The following NEO1 variants were observed in gnomAD, a reference collection of about 807,000 sequenced individuals.
NEO1 encodes neogenin.
NEO1 carries 63 observed loss-of-function variants against 159.7 expected under a neutral mutation model. The ratio of observed to expected loss-of-function variants is 0.39; its 90% CI spans 0.32 to 0.49. The LOEUF is 0.49. Among genes scored for constraint, NEO1 ranks in the 20% least tolerant of loss-of-function variants. The pLI is 0.85. For missense variants in NEO1, 1,615 were observed against 1,831.0 expected, an observed-to-expected ratio of 0.88 and a Z score of 2.15; for synonymous variants, 633 against 662.0, an observed-to-expected ratio of 0.96 and a Z score of 0.67.
chr15:73,263,207 T>C (rs1051039194), intron 15 of NEO1, among the ~76,000 whole-genome samples: 111 of 150,830 alleles, frequency 7.4e-4, no homozygotes, highest in African/African-American at 2.4e-3. Context: ...TTTTTTTTTT[T>C]TTTTGAGACA....
At chr15:73,082,175 A>G (rs994612544) in intron 1 of NEO1, among the ~76,000 whole-genome samples, 3 of 152,182 alleles carry the variant, frequency 2.0e-5, no homozygotes, top group African/African-American at 7.2e-5. Context: ...CGCCCAGCCT[A>G]AATACTTGAT....
Position 73,282,681 on chromosome 15 carries a change from A to G in NEO1, c.3263-283A>G, listed in dbSNP as rs148291355. ...CTCTTTATCTGTCTAAGTATATCTCAACCTTTGAAAGCTCTTGAATGTTCA... is the reference window on the plus strand; with the variant it reads ...CTCTTTATCTGTCTAAGTATATCTCGACCTTTGAAAGCTCTTGAATGTTCA... On this transcript the variant is annotated intron_variant, in intron 22 of 28. Transcript: ENST00000261908. Among the ~76,000 whole-genome samples, 6 of 152,368 alleles carry G rather than the reference A, an allele frequency of 3.9e-5. No individual in the cohort carries two copies. The East Asian group carries it at 1.2e-3, about 29-fold the overall frequency.
rs552445041 is a variant in NEO1, at chr15:73,243,440, G to T, written c.1452-904G>T. ...CTCTTTAATTACTTTCTCAAGACAG[G>T]TATAGCTGTTTCCTCACATGAATGA... is the stretch of plus-strand genomic sequence containing the variant. On this transcript the variant is annotated intron_variant, in intron 8 of 28. Transcript: ENST00000261908. Among the ~76,000 whole-genome samples, 7 of 152,280 alleles carry T rather than the reference G, an allele frequency of 4.6e-5. No homozygotes were observed. The South Asian group carries it at 8.3e-4, about 18-fold the overall frequency.
chr15:73,143,393 G>T, intron 5 of NEO1: 1 of 157,850 alleles, frequency 6.3e-6, no homozygotes, highest in Non-Finnish European at 1.4e-5. Context: ...CCTTCTGCTT[G>T]CCTAGCACAC....
intron 1 of NEO1, among the ~76,000 whole-genome samples, chr15:73,055,983 TTGTC>T (rs772502510): frequency 1.3e-5 from 2 of 152,240 alleles, no homozygotes; most frequent in African/African-American, 2.4e-5. Context: ...ATTAATCTCT[TTGTC>T]TGTACTGTTA....
chr15:73,284,236 C>T (rs866267144), intron 23 of NEO1, among the ~76,000 whole-genome samples: 3 of 152,086 alleles, frequency 2.0e-5, no homozygotes, highest in Admixed American at 6.5e-5. Flanking sequence ...ACTTTAGTTG[C>T]AATATCTTGA....
chr15:73,163,321 A>G (rs2034323645), intron 5 of NEO1, among the ~76,000 whole-genome samples: 2 of 152,162 alleles, frequency 1.3e-5, no homozygotes, highest in South Asian at 2.1e-4. Flanking sequence ...ATGCAGTAAC[A>G]TTATTAAAGA....
At position 73,221,235 on chromosome 15, in the gene NEO1, A is replaced by G. The variant is rs190073402; in HGVS notation, c.1292-15112A>G. ...GGGTATCAGCAGCAGTGTCTGCAGA[A>G]CAGCGGTTTTTCGTGAACCACGAAT... On this transcript the variant is annotated intron_variant, in intron 7 of 28. Transcript: ENST00000261908. 1.8e-3 allele frequency among the ~76,000 whole-genome samples: 274 copies of G among 152,314 alleles called. 1 individual carries two copies. The highest frequency in any genetic ancestry group is 6.4e-3 in the African/African-American group (267 of 41,558).
At chr15:73,292,709 A>G (rs948960321) in intron 25 of NEO1, among the ~76,000 whole-genome samples, 3 of 152,240 alleles carry the variant, frequency 2.0e-5, no homozygotes, top group East Asian at 3.8e-4. Flanking sequence ...GCAGATGGGT[A>G]TGTCTGAGTC....
upstream of NEO1, among the ~76,000 whole-genome samples, chr15:73,052,165 A>G (rs1482299159): frequency 2.7e-5 from 4 of 146,744 alleles, no homozygotes; most frequent in Admixed American, 6.7e-5. Flanking sequence ...CTCCGGGGAG[A>G]AGGGGGAGGG....
intron 1 of NEO1, among the ~76,000 whole-genome samples, chr15:73,088,620 A>G (rs2069498762): frequency 6.6e-6 from 1 of 152,128 alleles, no homozygotes; most frequent in African/African-American, 2.4e-5. Context: ...AGGCTATCTT[A>G]ATAGAATGGG....
At chr15:73,174,218 G>C (rs748629825) in intron 5 of NEO1, among the ~76,000 whole-genome samples, 3 of 152,176 alleles carry the variant, frequency 2.0e-5, no homozygotes, top group Non-Finnish European at 4.4e-5. Flanking sequence ...CTTGAGCTGA[G>C]GGAGAGAATC....
At chr15:73,151,181 T>C (rs1244476492) in intron 5 of NEO1, among the ~76,000 whole-genome samples, 2 of 152,206 alleles carry the variant, frequency 1.3e-5, no homozygotes, top group African/African-American at 4.8e-5. Context: ...GGTTTTAATA[T>C]GCATTTTCCT....
At chr15:73,127,178 C>G (rs1039811351) in intron 4 of NEO1, among the ~76,000 whole-genome samples, 6 of 150,766 alleles carry the variant, frequency 4.0e-5, no homozygotes, top group Admixed American at 2.6e-4. Context: ...TTGCAGTGAC[C>G]TGAGATCGCG....
Position 73,086,284 on chromosome 15 carries a change from A to G in NEO1, c.131-30256A>G, listed in dbSNP as rs137972825. Among the ~76,000 whole-genome samples, 16 of 152,320 alleles carry G rather than the reference A, an allele frequency of 1.1e-4. No homozygotes were observed. The East Asian group carries it at 2.3e-3, about 22-fold the overall frequency. On this transcript the variant is annotated intron_variant, in intron 1 of 28. Transcript: ENST00000261908. ...GTTCTCTGTTTGGTTCCATTGATCT[A>G]TATATCTGTCCTTTTGCCTATCCCA...
At chr15:73,236,319 C>G (rs766304313) in intron 7 of NEO1, 28 bp from the exon 8 acceptor site, 1 of 1,614,180 alleles carries the variant, frequency 6.2e-7, no homozygotes, top group East Asian at 2.2e-5. Flanking sequence ...TCCCACTTCA[C>G]TGACCAGTGC....
At chr15:73,076,322 T>A (rs529153012) in intron 1 of NEO1, among the ~76,000 whole-genome samples, 4 of 152,218 alleles carry the variant, frequency 2.6e-5, no homozygotes, top group Non-Finnish European at 5.9e-5. Context: ...ATTTTTACCC[T>A]GCTCTTAAGG....
intron 1 of NEO1, among the ~76,000 whole-genome samples, chr15:73,095,148 G>A (rs1424306401): frequency 6.6e-6 from 1 of 151,494 alleles, no homozygotes; most frequent in Non-Finnish European, 1.5e-5. Context: ...GGCAGAGGTT[G>A]TAGTGAGCTG....
At chr15:73,089,318 T>C (rs1214676737) in intron 1 of NEO1, among the ~76,000 whole-genome samples, 2 of 152,186 alleles carry the variant, frequency 1.3e-5, no homozygotes, top group Non-Finnish European at 2.9e-5. Flanking sequence ...GTGATTTGTA[T>C]GTACCTGATA....
Sources: allele counts gnomAD v4.1 joint callset (sites outside exome capture counted in the v4.1 genomes callset), GRCh38; gene constraint gnomAD v4.1.1; transcripts MANE v1.5; gene names NCBI Gene and HGNC (gene_info 2026-07-23, HGNC 2026-07-21).